Variants in PRKDC observed in about 807,000 individuals in gnomAD.
PRKDC encodes the protein protein kinase, DNA-activated, catalytic subunit.
PRKDC carries 82 observed loss-of-function variants against 486.9 expected under a neutral mutation model. That is an observed-to-expected ratio of 0.17 (90% CI 0.14 to 0.20). The LOEUF is 0.20. PRKDC is among the 10% of genes least tolerant of loss of function. The probability of loss-of-function intolerance (pLI) is 1.00; values close to 1 mark genes in which losing one functional copy is unlikely to be tolerated. For synonymous variants in PRKDC, 1,895 were observed against 1,837.0 expected, an observed-to-expected ratio of 1.03 and a Z score of -0.81; for missense variants, 4,504 against 5,038.2, an observed-to-expected ratio of 0.89 and a Z score of 3.21.
At chr8:47,872,961 A>ACAT (rs1385391169) in intron 40 of PRKDC, among the ~76,000 whole-genome samples, 1 of 152,144 alleles carries the variant, frequency 6.6e-6, no homozygotes, top group Non-Finnish European at 1.5e-5. Context: ...TGTTTACAGA[A>ACAT]CATCTGACTC....
chr8:47,814,418 G>A (rs1487289814), intron 68 of PRKDC, among the ~76,000 whole-genome samples: 1 of 152,120 alleles, frequency 6.6e-6, no homozygotes, highest in African/African-American at 2.4e-5. Flanking sequence ...AAGAAAGAAA[G>A]GTGGCTCTAT....
At chr8:47,775,650 C>T (rs2086595229) in intron 85 of PRKDC, among the ~76,000 whole-genome samples, 2 of 151,778 alleles carry the variant, frequency 1.3e-5, no homozygotes, top group African/African-American at 4.8e-5. Flanking sequence ...ATATTTTATC[C>T]CATTTGGAAG....
intron 10 of PRKDC, among the ~76,000 whole-genome samples, chr8:47,940,893 C>T (rs182778114): frequency 1.8e-3 from 278 of 152,300 alleles, no homozygotes; most frequent in African/African-American, 6.3e-3. Flanking sequence ...CCTGTCATCC[C>T]AGCCCTTTGG....
rs557802140 is a variant in PRKDC, at chr8:47,796,600, G to T, written c.10458+1637C>A. ...AACGTTTTTCTTCATTTTTTTTTTTGTTGTTGTTGTTTTTTTTGAGACAGA... is the reference window on the plus strand; with the variant it reads ...AACGTTTTTCTTCATTTTTTTTTTTTTTGTTGTTGTTTTTTTTGAGACAGA... On this transcript the variant is annotated intron_variant, in intron 73 of 85. Coordinates refer to ENST00000314191, the MANE Select transcript of PRKDC (RefSeq NM_006904.7). 4.2e-3 allele frequency among the ~76,000 whole-genome samples: 587 copies of T among 138,764 alleles called. 3 individuals carry two copies. The highest frequency in any genetic ancestry group is 0.012 in the South Asian group (55 of 4,596). 91.0% of individuals were successfully genotyped at this position (138,764 alleles called of 152,430 possible).
intron 64 of PRKDC, among the ~76,000 whole-genome samples, chr8:47,823,291 C>T (rs527831685): frequency 6.6e-6 from 1 of 152,078 alleles, no homozygotes; most frequent in East Asian, 1.9e-4. Context: ...TGCACTCCAG[C>T]CTGGGTGACA....
intron 73 of PRKDC, among the ~76,000 whole-genome samples, chr8:47,796,337 C>CA (rs921787917): frequency 2.0e-5 from 3 of 151,012 alleles, no homozygotes; most frequent in Non-Finnish European, 4.4e-5. Flanking sequence ...ACTCCGTCAC[C>CA]AAAAAAATAA....
intron 21 of PRKDC, among the ~76,000 whole-genome samples, chr8:47,924,515 G>A (rs1476272455): frequency 6.6e-6 from 1 of 151,968 alleles, no homozygotes; most frequent in African/African-American, 2.4e-5. Flanking sequence ...AGCCAAGATT[G>A]CACCACTGCT....
intron 83 of PRKDC, 66 bp downstream of exon 83, chr8:47,778,393 G>A: frequency 6.7e-7 from 1 of 1,499,222 alleles, no homozygotes; most frequent in East Asian, 2.4e-5. Context: ...TCTATTTCTG[G>A]AGGTTGTTGA....
At chr8:47,827,858 T>C (rs1382872639) in intron 62 of PRKDC, among the ~76,000 whole-genome samples, 2 of 152,148 alleles carry the variant, frequency 1.3e-5, no homozygotes, top group African/African-American at 4.8e-5. Context: ...AAGAATTTGG[T>C]GAAATACTAC....
rs567147540 is a variant in PRKDC, at chr8:47,947,138, G to A, written c.722-3109C>T. 7.6e-4 allele frequency among the ~76,000 whole-genome samples: 115 copies of A among 152,274 alleles called. 1 individual carries two copies. Among genetic ancestry groups the A allele is most frequent in the African/African-American group, 2.6e-3 (106 of 41,544 alleles). ...GACCACTGCACGCAGGCTAAGCACA[G>A]GGCTAGAGACTGGCCGAGCATGGGG... On this transcript the variant is annotated intron_variant, in intron 7 of 85. Coordinates refer to ENST00000314191, the MANE Select transcript of PRKDC (RefSeq NM_006904.7).
At chr8:47,880,776 G>A (rs1047061011) in intron 38 of PRKDC, among the ~76,000 whole-genome samples, 5 of 151,988 alleles carry the variant, frequency 3.3e-5, no homozygotes, top group South Asian at 2.1e-4. Context: ...GTTCTAGGCC[G>A]GGTGTGGTGG....
At chr8:47,882,187 G>C (rs1467993053) in intron 36 of PRKDC, 90 bp from the exon 37 acceptor site, 2 of 1,221,084 alleles carry the variant, frequency 1.6e-6, no homozygotes, top group East Asian at 4.8e-5. Context: ...GCTATTCTTG[G>C]AAAATAAATA....
In PRKDC at chr8:47,890,329, G is replaced by T. The variant is rs1366658524; in HGVS notation, c.3999C>A (p.Ser1333Arg). The change falls in exon 32 of 86, where the codon AGC becomes AGA. Residue 1333 changes from serine to arginine, a missense_variant. Physicochemically the swap from Ser to Arg is moderately radical, Grantham distance 110. Coordinates refer to ENST00000314191, the MANE Select transcript of PRKDC (RefSeq NM_006904.7). ...SPQEGERYNY[S>R]KCTVVVRIME... ...TAATCCGGACCACAACGGTGCATTT[G>T]CTGTAGTTGTACCTTTCTCCCTCTT... is the stretch of plus-strand genomic sequence containing the variant. 6.2e-7 allele frequency: 1 copy of T among 1,613,400 alleles called. No homozygotes were observed. Among genetic ancestry groups the T allele is most frequent in the Admixed American group, 1.7e-5 (1 of 59,996 alleles).
In PRKDC at chr8:47,778,919, A is replaced by T. The variant is rs2086653193; in HGVS notation, c.11579+85T>A. The T allele has an allele frequency of 9.7e-6, 14 of 1,440,224 alleles. No homozygotes were observed. The Admixed American group carries it at 3.1e-4, about 32-fold the overall frequency. 89.2% of individuals were successfully genotyped at this position (1,440,224 alleles called of 1,614,324 possible). A position where few individuals can be genotyped will look rare whatever the true frequency, so the allele number is the denominator to read the frequency against. On this transcript the variant is annotated intron_variant, in intron 81 of 85. Transcript: ENST00000314191. The stretch of plus-strand genomic sequence containing the variant: ...TCGAATAATCTTGATGATCTCTCTG[A>T]GGCAAAGCTAAGAATCAAAAGAAAA...
chr8:47,907,240 C>T (rs945619449), intron 25 of PRKDC, among the ~76,000 whole-genome samples: 1 of 151,110 alleles, frequency 6.6e-6, no homozygotes, highest in Non-Finnish European at 1.5e-5. Flanking sequence ...CAGGGTTTCA[C>T]CGTGTTAGCC....
At chr8:47,877,671 C>T (rs2089117706) in intron 40 of PRKDC, 53 bp downstream of exon 40, 1 of 1,415,762 alleles carries the variant, frequency 7.1e-7, no homozygotes, top group Non-Finnish European at 9.3e-7. Context: ...GGATAATTTC[C>T]CACAAAACTG....
intron 15 of PRKDC, among the ~76,000 whole-genome samples, chr8:47,933,645 T>C (rs962020035): frequency 3.3e-5 from 5 of 152,242 alleles, no homozygotes; most frequent in Non-Finnish European, 7.3e-5. Flanking sequence ...AATACATATA[T>C]ATCCATCCTC....
chr8:47,958,011 T>C (rs182960337), intron 1 of PRKDC, among the ~76,000 whole-genome samples: 1 of 152,238 alleles, frequency 6.6e-6, no homozygotes, highest in East Asian at 1.9e-4. Context: ...CAAAAGGAAA[T>C]TGAGCTTGCA....
rs2090717497 is a variant in PRKDC at position 47,957,155 on chromosome 8, GTTT to G, written c.324+13_324+15del. On this transcript the variant is annotated intron_variant, in intron 3 of 85. Transcript: ENST00000314191. ...GTTGATATATAATGTAATAAGGTAT[GTTT>G]TTTAATTCTTACCTTAATTTCAACA... 1 of 1,504,028 alleles carries G rather than the reference GTTT, an allele frequency of 6.6e-7. No individual in the cohort carries two copies. 93.2% of individuals were successfully genotyped at this position (1,504,028 alleles called of 1,614,324 possible). A position where few individuals can be genotyped will look rare whatever the true frequency, so the allele number is the denominator to read the frequency against.
Sources: allele counts gnomAD v4.1 joint callset (sites outside exome capture counted in the v4.1 genomes callset), GRCh38; gene constraint gnomAD v4.1.1; transcripts MANE v1.5; gene names NCBI Gene and HGNC (gene_info 2026-07-23, HGNC 2026-07-21).